Variants in ROCK2 observed in about 807,000 individuals in gnomAD.
ROCK2 encodes Rho associated coiled-coil containing protein kinase 2, also known as rho-associated protein kinase 2.
ROCK2 carries 61 observed loss-of-function variants against 195.1 expected under a neutral mutation model. The ratio of observed to expected loss-of-function variants is 0.31; its 90% CI spans 0.25 to 0.39. ROCK2 has a LOEUF of 0.39. ROCK2 is among the 10% of genes least tolerant of loss of function. The pLI is 1.00. For synonymous variants in ROCK2, 504 were observed against 545.5 expected, an observed-to-expected ratio of 0.92 and a Z score of 1.06; for missense variants, 1,109 against 1,637.4, an observed-to-expected ratio of 0.68 and a Z score of 5.57.
intron 3 of ROCK2, among the ~76,000 whole-genome samples, chr2:11,279,583 T>C (rs1254542380): frequency 6.6e-6 from 1 of 152,228 alleles, no homozygotes. Context: ...CTATCATAAC[T>C]GGAGACTTTG....
chr2:11,250,109 G>A (rs1665778509), intron 3 of ROCK2, among the ~76,000 whole-genome samples: 1 of 152,024 alleles, frequency 6.6e-6, no homozygotes, highest in Non-Finnish European at 1.5e-5. Context: ...CTTTAAGAAT[G>A]AGATATTGTT....
At chr2:11,259,711 T>C (rs73915140) in intron 3 of ROCK2, among the ~76,000 whole-genome samples, 3,533 of 151,514 alleles carry the variant, frequency 0.023, 170 homozygotes, top group East Asian at 0.053. Context: ...GCAGTCCTAT[T>C]TGGCACTACT....
At chr2:11,188,435 T>C (rs1663285869) in intron 32 of ROCK2, among the ~76,000 whole-genome samples, 1 of 151,998 alleles carries the variant, frequency 6.6e-6, no homozygotes, top group Non-Finnish European at 1.5e-5. Context: ...TTATCTTGCA[T>C]TGAAACAAAT....
Position 11,295,707 on chromosome 2 carries a change from A to T in ROCK2, c.142-7971T>A, listed in dbSNP as rs534753681. On this transcript the variant is annotated intron_variant, in intron 1 of 32. Coordinates refer to ENST00000315872, the MANE Select transcript of ROCK2 (RefSeq NM_004850.5). ...CATGATGGCTCACGCCTGTAATCCC[A>T]ACTATTTGGGAGGCCAAGGAGGGTG... 9.2e-5 allele frequency among the ~76,000 whole-genome samples: 14 copies of T among 152,234 alleles called. No individual in the cohort carries two copies. The South Asian group carries it at 2.5e-3, about 27-fold the overall frequency.
intron 3 of ROCK2, among the ~76,000 whole-genome samples, chr2:11,285,407 T>C (rs1481367536): frequency 1.3e-5 from 2 of 152,056 alleles, no homozygotes; most frequent in African/African-American, 2.4e-5. Flanking sequence ...TGCCTACCCA[T>C]ACAATTATTA....
At chr2:11,297,757 T>G (rs560384139) in intron 1 of ROCK2, among the ~76,000 whole-genome samples, 1 of 152,350 alleles carries the variant, frequency 6.6e-6, no homozygotes, top group African/African-American at 2.4e-5. Context: ...ATTACCACAT[T>G]ATATTAGGTC....
intron 5 of ROCK2, among the ~76,000 whole-genome samples, chr2:11,233,378 G>C (rs540138333): frequency 1.3e-5 from 2 of 152,100 alleles, no homozygotes; most frequent in Non-Finnish European, 2.9e-5. Context: ...CAAGGATATG[G>C]GGAGACAAGA....
chr2:11,283,257 C>T (rs1667070317), intron 3 of ROCK2, among the ~76,000 whole-genome samples: 1 of 86,142 alleles, frequency 1.2e-5, no homozygotes, highest in African/African-American at 3.2e-5. Flanking sequence ...ACAGAGACTC[C>T]GTCTCAAAAA....
chr2:11,283,615 T>C (rs1667092483), intron 3 of ROCK2, among the ~76,000 whole-genome samples: 1 of 133,568 alleles, frequency 7.5e-6, no homozygotes, highest in Admixed American at 7.6e-5. Context: ...AAGGAAAAGA[T>C]ATACAGATGG....
chr2:11,302,542 A>G (rs1667740761), intron 1 of ROCK2, among the ~76,000 whole-genome samples: 8 of 152,036 alleles, frequency 5.3e-5, no homozygotes, highest in Admixed American at 5.2e-4. Flanking sequence ...ACCTTCTCCA[A>G]TCTGACTTCC....
intron 1 of ROCK2, among the ~76,000 whole-genome samples, chr2:11,326,710 T>C (rs551160839): frequency 2.0e-5 from 3 of 152,120 alleles, no homozygotes; most frequent in East Asian, 1.9e-4. Context: ...ATTAAAGACA[T>C]AGCGTTAATC....
chr2:11,232,838 T>A (rs1418564621), intron 5 of ROCK2, among the ~76,000 whole-genome samples: 1 of 151,836 alleles, frequency 6.6e-6, no homozygotes, highest in Non-Finnish European at 1.5e-5. Context: ...TTTAAAAGAG[T>A]TAAAAGATAT....
intron 11 of ROCK2, 97 bp downstream of exon 11, chr2:11,218,357 AG>A (rs760150162): frequency 3.8e-5 from 30 of 798,462 alleles, no homozygotes; most frequent in Non-Finnish European, 5.7e-5. Context: ...GGGTAGATGT[AG>A]TACTCCAAAT....
chr2:11,268,521 A>AGTGT (rs1558343608), intron 3 of ROCK2, among the ~76,000 whole-genome samples: 187 of 73,824 alleles, frequency 2.5e-3, no homozygotes, highest in African/African-American at 9.1e-3. Flanking sequence ...ACAGTTTTGC[A>AGTGT]CTGTGTGTGT....
At chr2:11,299,424 A>G (rs558134643) in intron 1 of ROCK2, among the ~76,000 whole-genome samples, 1 of 152,340 alleles carries the variant, frequency 6.6e-6, no homozygotes, top group African/African-American at 2.4e-5. Flanking sequence ...CCAAGTTCAC[A>G]TGAAAAATCA....
At chr2:11,244,934 C>T (rs1173930440) in intron 4 of ROCK2, among the ~76,000 whole-genome samples, 6 of 151,856 alleles carry the variant, frequency 4.0e-5, no homozygotes, top group African/African-American at 1.5e-4. Context: ...AATAAGAAAA[C>T]CAAGAGCCCA....
At chr2:11,239,378 T>C (rs924173473) in intron 4 of ROCK2, among the ~76,000 whole-genome samples, 9 of 152,062 alleles carry the variant, frequency 5.9e-5, no homozygotes, top group African/African-American at 2.2e-4. Context: ...TTAACACCCA[T>C]CAGAATAGCT....
chr2:11,295,144 T>TA (rs1055935268), intron 1 of ROCK2, among the ~76,000 whole-genome samples: 2 of 150,460 alleles, frequency 1.3e-5, no homozygotes, highest in East Asian at 2.0e-4. Flanking sequence ...TTTCCTCTAT[T>TA]AAAAAAAGCT....
rs1032662579 is a variant in ROCK2 at position 11,251,465 on chromosome 2, G to A, written c.325-1667C>T. ...CTACAAATGGGAAATCTGAGGCACA[G>A]AGACATCAAACTGCCCAAGGGCTAT... On this transcript the variant is annotated intron_variant, in intron 3 of 32. Transcript: ENST00000315872. Among the ~76,000 whole-genome samples the A allele has an allele frequency of 2.0e-5, 3 of 152,204 alleles. No individual in the cohort carries two copies. In the South Asian group the frequency reaches 6.2e-4, roughly 31 times the overall value.
Sources: gnomAD v4.1 joint callset for allele counts (sites outside exome capture counted in the v4.1 genomes callset) on GRCh38, gnomAD v4.1.1 for gene constraint, MANE v1.5 for transcripts, NCBI Gene and HGNC (gene_info 2026-07-23, HGNC 2026-07-21) for gene names.